SRGAP2: variants seen among roughly 807,000 people sequenced by gnomAD.
The protein encoded by SRGAP2 is SLIT-ROBO Rho GTPase activating protein 2, also known as SLIT-ROBO Rho GTPase-activating protein 2.
In SRGAP2, 15 loss-of-function variants were observed where a neutral mutation model predicts 57.2. That is an observed-to-expected ratio of 0.26 (90% CI 0.18 to 0.40). SRGAP2 has a LOEUF of 0.40. SRGAP2 is among the 10% of genes least tolerant of loss of function. The pLI is 1.00. For synonymous variants in SRGAP2, 249 were observed against 248.0 expected (o/e 1.00, Z -0.04); for missense variants, 520 against 669.6 (o/e 0.78, Z 2.47).
chr1:206,460,962 CTG>C, intron 22 of SRGAP2, 73 bp from the exon 23 acceptor site: 1 of 650,324 alleles, frequency 1.5e-6, no homozygotes, highest in Non-Finnish European at 2.8e-6. Context: ...ATGCCTTGGC[CTG>C]TGTTGTTGAA....
chr1:206,263,557 T>TA (rs1669698814), intron 2 of SRGAP2, among the ~76,000 whole-genome samples: 2 of 151,928 alleles, frequency 1.3e-5, no homozygotes, highest in Non-Finnish European at 2.9e-5. Flanking sequence ...ACACACAGCA[T>TA]AAAAAATAAA....
At chr1:206,278,761 C>T (rs1345694745) in intron 2 of SRGAP2, among the ~76,000 whole-genome samples, 3 of 149,874 alleles carry the variant, frequency 2.0e-5, no homozygotes, top group Admixed American at 6.6e-5. Context: ...GAGTGTAAGC[C>T]GCGTGGATAT....
intron 2 of SRGAP2, among the ~76,000 whole-genome samples, chr1:206,291,035 GAC>G (rs1398289191): frequency 1.3e-5 from 2 of 151,450 alleles, no homozygotes; most frequent in East Asian, 3.9e-4. Flanking sequence ...TCAGAGTTAA[GAC>G]AGCGAGAATG....
chr1:206,237,419 A>G (rs1667978204), intron 2 of SRGAP2, among the ~76,000 whole-genome samples: 2 of 152,240 alleles, frequency 1.3e-5, no homozygotes, highest in South Asian at 4.1e-4. Context: ...TACACTTAAC[A>G]TTTGATCTGT....
chr1:206,252,833 TATGCCTC>T (rs1208100339), intron 2 of SRGAP2, among the ~76,000 whole-genome samples: 1 of 67,698 alleles, frequency 1.5e-5, no homozygotes, highest in Non-Finnish European at 2.7e-5. Context: ...AAGGAGACAA[TATGCCTC>T]GTGGAGATCC....
chr1:206,310,455 A>G (rs1553323729), intron 3 of SRGAP2, among the ~76,000 whole-genome samples: 1 of 152,194 alleles, frequency 6.6e-6, no homozygotes, highest in Non-Finnish European at 1.5e-5. Context: ...TATTTTTAGC[A>G]TTGTATACCT....
chr1:206,307,311 A>G (rs1672288342), intron 3 of SRGAP2, among the ~76,000 whole-genome samples: 1 of 152,258 alleles, frequency 6.6e-6, no homozygotes, highest in Non-Finnish European at 1.5e-5. Flanking sequence ...CAGGGTGCTG[A>G]TTGGTGTATT....
chr1:206,365,374 C>T (rs1416179147), intron 4 of SRGAP2, among the ~76,000 whole-genome samples: 1 of 152,130 alleles, frequency 6.6e-6, no homozygotes. Context: ...AAACAATAGT[C>T]CTTTGAATAT....
intron 11 of SRGAP2, among the ~76,000 whole-genome samples, chr1:206,417,345 C>A (rs1659818713): frequency 6.6e-6 from 1 of 151,642 alleles, no homozygotes; most frequent in Admixed American, 6.6e-5. Flanking sequence ...CTCAGGTGAT[C>A]CACCCACCTC....
At chr1:206,281,820 A>G (rs1275660986) in intron 2 of SRGAP2, among the ~76,000 whole-genome samples, 1 of 131,046 alleles carries the variant, frequency 7.6e-6, no homozygotes, top group Non-Finnish European at 1.6e-5. Context: ...AAACAAACAA[A>G]CAAAAAAAAC....
chr1:206,449,576 C>T (rs1353094074), intron 18 of SRGAP2, among the ~76,000 whole-genome samples: 1 of 151,852 alleles, frequency 6.6e-6, no homozygotes, highest in Non-Finnish European at 1.5e-5. Flanking sequence ...TGTGCCTGAC[C>T]TACCCTGAAT....
intron 10 of SRGAP2, among the ~76,000 whole-genome samples, chr1:206,411,487 C>T (rs1196986639): frequency 2.0e-5 from 3 of 152,182 alleles, no homozygotes; most frequent in Non-Finnish European, 4.4e-5. Context: ...TTAAAGTTTA[C>T]TCTATTATGT....
intron 2 of SRGAP2, among the ~76,000 whole-genome samples, chr1:206,289,640 T>C (rs1161697315): frequency 6.8e-6 from 1 of 147,748 alleles, no homozygotes. Flanking sequence ...ATAAGTTTCA[T>C]CTAGTCTGTT....
chr1:206,262,982 TAC>T (rs1344330241), intron 2 of SRGAP2, among the ~76,000 whole-genome samples: 235 of 137,236 alleles, frequency 1.7e-3, no homozygotes, highest in African/African-American at 6.1e-3. Context: ...AGAGCATGAA[TAC>T]AGAGCGTACC....
chr1:206,421,103 T>G, intron 12 of SRGAP2, 147 bp from the exon 13 acceptor site: 1 of 532,866 alleles, frequency 1.9e-6, no homozygotes, highest in African/African-American at 1.9e-5. Flanking sequence ...GTCACATGTT[T>G]CATTGGCTAC....
At chr1:206,373,005 CTTTCTTTCTTTCTTTCTTTCTTTT>C (rs1654815645) in intron 4 of SRGAP2, among the ~76,000 whole-genome samples, 1 of 99,740 alleles carries the variant, frequency 1.0e-5, no homozygotes, top group African/African-American at 4.0e-5. Context: ...TTCTTTCTTT[CTTTCTTTCTTTCTTTCTTTCTTTT>C]CTTTCTCTCT....
intron 1 of SRGAP2, chr1:206,205,110 GC>G (rs1665792552): frequency 1.3e-5 from 2 of 152,146 alleles, no homozygotes; most frequent in Middle Eastern, 6.8e-3. Context: ...GCTCCCTCGG[GC>G]TGGCCGCTGC....
At chr1:206,358,036 A>G (rs1274314359) in intron 4 of SRGAP2, among the ~76,000 whole-genome samples, 3 of 149,630 alleles carry the variant, frequency 2.0e-5, no homozygotes, top group Admixed American at 6.7e-5. Flanking sequence ...TCCATTTAAT[A>G]TAAGGTAAGG....
intron 4 of SRGAP2, among the ~76,000 whole-genome samples, chr1:206,364,107 C>T (rs1423413130): frequency 2.0e-5 from 3 of 147,226 alleles, no homozygotes; most frequent in Non-Finnish European, 4.5e-5. Context: ...CATTCAAGAG[C>T]GGGGCCCTGA....
Sources: gnomAD v4.1 joint callset for allele counts (sites outside exome capture counted in the v4.1 genomes callset) on GRCh38, gnomAD v4.1.1 for gene constraint, MANE v1.5 for transcripts, NCBI Gene and HGNC (gene_info 2026-07-23, HGNC 2026-07-21) for gene names.